The following ANTXR1 variants were observed in gnomAD, a reference collection of about 807,000 sequenced individuals.
The protein encoded by ANTXR1 is ANTXR cell adhesion molecule 1.
ANTXR1 carries 19 observed loss-of-function variants against 78.1 expected under a neutral mutation model. The observed-to-expected ratio is 0.24, with a 90% CI of 0.17 to 0.36. The LOEUF is 0.36. ANTXR1 is among the 10% of genes least tolerant of loss of function. The pLI is 1.00. For missense variants in ANTXR1, 518 were observed against 718.6 expected (o/e 0.72, Z 3.19); for synonymous variants, 273 against 260.5 (o/e 1.05, Z -0.46).
chr2:69,045,791 C>T (rs1208493915), intron 3 of ANTXR1, among the ~76,000 whole-genome samples: 1 of 152,012 alleles, frequency 6.6e-6, no homozygotes, highest in African/African-American at 2.4e-5. Flanking sequence ...AATCCTGTTA[C>T]TCCTTCAACC....
rs754769376 is a variant in ANTXR1 at position 69,075,596 on chromosome 2, A to AG, written c.501dup (p.Ser168ValfsTer18). ...CTTTCTTTCCTTTTCCCAGGCTAAT[A>AG]GGTCTCGAGATCTTGGTGCAATTGT... On this transcript the variant is annotated frameshift_variant, in exon 7 of 18. Transcript: ENST00000303714. LOFTEE classifies it high-confidence loss of function. 1 of 1,614,060 alleles carries AG rather than the reference A, an allele frequency of 6.2e-7. No individual in the cohort carries two copies. Among genetic ancestry groups the AG allele is most frequent in the Non-Finnish European group, 8.5e-7 (1 of 1,179,948 alleles).
chr2:69,192,798 C>A (rs1192610827), intron 16 of ANTXR1, among the ~76,000 whole-genome samples: 4 of 152,120 alleles, frequency 2.6e-5, no homozygotes, highest in African/African-American at 9.7e-5. Flanking sequence ...GGTAATTTGT[C>A]TCTCAAGCCC....
At chr2:69,104,303 T>C (rs576246013) in intron 10 of ANTXR1, among the ~76,000 whole-genome samples, 1 of 152,296 alleles carries the variant, frequency 6.6e-6, no homozygotes, top group East Asian at 1.9e-4. Flanking sequence ...GCTATGGATA[T>C]TTCCTTCTTG....
At chr2:69,085,001 T>C (rs4854543) in intron 8 of ANTXR1, among the ~76,000 whole-genome samples, 111,333 of 151,678 alleles carry the variant, frequency 0.73, 41,865 homozygotes, top group African/African-American at 0.9. Flanking sequence ...TACAGGCGCC[T>C]GCCACCACAC....
rs1294004953 is a variant in ANTXR1, at chr2:69,193,410, G to T, written c.1429G>T (p.Asp477Tyr). Residue 477 changes from aspartate to tyrosine, a missense_variant, in exon 17 of 18, where the codon GAC (aspartate) becomes TAC (tyrosine). Physicochemically the swap from Asp to Tyr is radical, Grantham distance 160. Coordinates refer to ENST00000303714, the MANE Select transcript of ANTXR1 (RefSeq NM_032208.3). Reference protein sequence around the residue: ...RVSVMRPQPGDTGRCINFTRV... With the variant: ...RVSVMRPQPGYTGRCINFTRV... ...GTCTGTGATGCGTCCACAGCCAGGA[G>T]ACACGGTAGGACTCGTTAATTCATT... The T allele has an allele frequency of 1.2e-6, 2 of 1,612,858 alleles. No individual in the cohort carries two copies. Among genetic ancestry groups the T allele is most frequent in the South Asian group, 1.1e-5 (1 of 91,028 alleles).
intron 17 of ANTXR1, among the ~76,000 whole-genome samples, chr2:69,206,474 G>A (rs1253271316): frequency 2.0e-5 from 3 of 152,160 alleles, no homozygotes; most frequent in Non-Finnish European, 4.4e-5. Context: ...GTGTTTCTAT[G>A]CAACAAAATT....
intron 17 of ANTXR1, among the ~76,000 whole-genome samples, chr2:69,239,301 G>C (rs1675842560): frequency 6.6e-6 from 1 of 152,194 alleles, no homozygotes; most frequent in Non-Finnish European, 1.5e-5. Context: ...AGGTGCGGTG[G>C]CTCACACCTA....
At chr2:69,110,240 T>C (rs1446376669) in intron 10 of ANTXR1, among the ~76,000 whole-genome samples, 1 of 152,228 alleles carries the variant, frequency 6.6e-6, no homozygotes, top group Non-Finnish European at 1.5e-5. Context: ...ATGAGTCAAC[T>C]GCTTTTATAC....
At chr2:69,149,473 A>G (rs984393156) in intron 12 of ANTXR1, among the ~76,000 whole-genome samples, 1 of 152,222 alleles carries the variant, frequency 6.6e-6, no homozygotes, top group Non-Finnish European at 1.5e-5. Flanking sequence ...CCCAAAATAT[A>G]TCAGCCCTTC....
At chr2:69,083,670 T>C (rs779058608) in intron 8 of ANTXR1, among the ~76,000 whole-genome samples, 11 of 152,094 alleles carry the variant, frequency 7.2e-5, no homozygotes, top group Non-Finnish European at 1.3e-4. Context: ...CAGAGTACCA[T>C]AGAGCTTTTG....
intron 17 of ANTXR1, among the ~76,000 whole-genome samples, chr2:69,227,636 A>G (rs1675488740): frequency 6.6e-6 from 1 of 152,176 alleles, no homozygotes; most frequent in South Asian, 2.1e-4. Context: ...TAAACTGTCC[A>G]GGATCAACAT....
intron 3 of ANTXR1, among the ~76,000 whole-genome samples, chr2:69,068,264 C>T (rs182070714): frequency 6.6e-6 from 1 of 152,252 alleles, no homozygotes; most frequent in Non-Finnish European, 1.5e-5. Context: ...AAGTCTAGAA[C>T]TGAAACAAAC....
chr2:69,123,073 A>G lies in ANTXR1; in HGVS notation c.859A>G (p.Lys287Glu), dbSNP rs1377892385. Residue 287 changes from lysine to glutamate, a missense_variant, in exon 11 of 18, where the codon AAA (lysine) becomes GAA (glutamate). By Grantham distance (56) the Lys-to-Glu change is moderately conservative. Coordinates refer to ENST00000303714, the MANE Select transcript of ANTXR1 (RefSeq NM_032208.3). The stretch of plus-strand genomic sequence containing the variant: ...TTTACTGTGTCCAGCGCCTATCTTA[A>G]AAGAAGTTGGCATGTAAGTTTTCAC... ...TYLLCPAPIL[K>E]EVGMKAALQV... 1.2e-6 allele frequency: 2 copies of G among 1,614,030 alleles called. No individual in the cohort carries two copies. Among genetic ancestry groups the G allele is most frequent in the African/African-American group, 2.7e-5 (2 of 74,904 alleles).
At chr2:69,136,816 G>A (rs971564535) in intron 12 of ANTXR1, among the ~76,000 whole-genome samples, 1 of 152,172 alleles carries the variant, frequency 6.6e-6, no homozygotes, top group African/African-American at 2.4e-5. Flanking sequence ...AGGTAACAAA[G>A]AAAACTATTA....
chr2:69,073,739 A>G (rs1670644982), intron 6 of ANTXR1, among the ~76,000 whole-genome samples: 2 of 152,250 alleles, frequency 1.3e-5, no homozygotes, highest in Admixed American at 6.5e-5. Flanking sequence ...ACTAATGTTT[A>G]TACTTACGAA....
chr2:69,159,767 G>A (rs1673627960), intron 13 of ANTXR1, among the ~76,000 whole-genome samples: 1 of 152,052 alleles, frequency 6.6e-6, no homozygotes, highest in Non-Finnish European at 1.5e-5. Flanking sequence ...CTTATGAACA[G>A]CTTTTAAAGA....
chr2:69,145,500 G>T (rs1385221203), intron 12 of ANTXR1: 2 of 1,478,014 alleles, frequency 1.4e-6, no homozygotes, highest in African/African-American at 2.8e-5. Context: ...CAGGCCTGGA[G>T]TTACGCACAC....
At chr2:69,128,177 A>G (rs955718388) in intron 12 of ANTXR1, among the ~76,000 whole-genome samples, 4 of 152,074 alleles carry the variant, frequency 2.6e-5, no homozygotes, top group Admixed American at 2.0e-4. Context: ...GTGAGCTGAG[A>G]TCATGCCACT....
chr2:69,167,386 T>A (rs1673856920), intron 13 of ANTXR1, among the ~76,000 whole-genome samples: 1 of 152,196 alleles, frequency 6.6e-6, no homozygotes. Flanking sequence ...AAGCTGCTCC[T>A]CCAGGCAACA....
Sources: allele counts gnomAD v4.1 joint callset (sites outside exome capture counted in the v4.1 genomes callset), GRCh38; gene constraint gnomAD v4.1.1; transcripts MANE v1.5; gene names NCBI Gene and HGNC (gene_info 2026-07-23, HGNC 2026-07-21).